Variants in EPB41L1 observed in about 807,000 individuals in gnomAD.
The protein encoded by EPB41L1 is band 4.1-like protein 1.
A neutral mutation model predicts 97.8 loss-of-function variants in EPB41L1; 29 were observed. That is an observed-to-expected ratio of 0.30 (90% confidence interval 0.22 to 0.40). The LOEUF is 0.40. Ranked by LOEUF, EPB41L1 falls within the 10% of genes least tolerant of loss-of-function variation. The pLI is 1.00. For missense variants in EPB41L1, 812 were observed against 1,162.3 expected (o/e 0.70, Z 4.38); for synonymous variants, 383 against 459.2 (o/e 0.83, Z 2.12).
At chr20:36,118,325 T>A (rs1234142950) in intron 2 of EPB41L1, among the ~76,000 whole-genome samples, 1 of 150,950 alleles carries the variant, frequency 6.6e-6, no homozygotes, top group Non-Finnish European at 1.5e-5. Flanking sequence ...GCCACTGCAC[T>A]CCAGCCTGGA....
intron 11 of EPB41L1, among the ~76,000 whole-genome samples, chr20:36,192,593 C>T (rs1161551148): frequency 6.8e-6 from 1 of 147,318 alleles, no homozygotes; most frequent in Non-Finnish European, 1.5e-5. Flanking sequence ...ACCGTGGATA[C>T]TCCCAGAACA....
At position 36,209,399 on chromosome 20, in the gene EPB41L1, G is replaced by T; in HGVS notation, c.1669-89G>T. 3 of 1,455,198 alleles carry T rather than the reference G, an allele frequency of 2.1e-6. No homozygotes were observed. The highest frequency in any genetic ancestry group is 2.8e-6 in the Non-Finnish European group (3 of 1,073,256). 90.1% of individuals were successfully genotyped at this position (1,455,198 alleles called of 1,614,324 possible). A position where few individuals can be genotyped will look rare whatever the true frequency, so the allele number is the denominator to read the frequency against. ...ATTCAGGATGTCGACACAGCCCCGA[G>T]ATTTCTCCTGACATTCACCATCTTG... On this transcript the variant is annotated intron_variant, in intron 14 of 21. Coordinates refer to ENST00000338074, the MANE Select transcript of EPB41L1 (RefSeq NM_012156.2). The surrounding 1 kb of genome is among the most constrained non-coding windows in gnomAD (Gnocchi z 4.2).
intron 2 of EPB41L1, among the ~76,000 whole-genome samples, chr20:36,142,204 C>T (rs763234214): frequency 2.6e-5 from 4 of 151,852 alleles, no homozygotes; most frequent in African/African-American, 9.7e-5. Context: ...GCTTTTTTAC[C>T]TGTATTGTGT....
At chr20:36,102,037 A>AAAACG in intron 1 of EPB41L1, among the ~76,000 whole-genome samples, 1 of 147,612 alleles carries the variant, frequency 6.8e-6, no homozygotes, top group Non-Finnish European at 1.5e-5. Flanking sequence ...AAAACAAAAC[A>AAAACG]AAAAAAACAA....
intron 21 of EPB41L1, among the ~76,000 whole-genome samples, chr20:36,224,502 A>C (rs1361046795): frequency 1.3e-5 from 2 of 151,936 alleles, no homozygotes; most frequent in African/African-American, 4.8e-5. Flanking sequence ...CAAAATTAGG[A>C]GTGGGGGTTG....
Position 36,188,382 on chromosome 20 carries a change from T to C in EPB41L1, c.909T>C (p.Cys303=). 6.2e-7 allele frequency: 1 copy of C among 1,613,930 alleles called. No individual in the cohort carries two copies. The highest frequency in any genetic ancestry group is 8.5e-7 in the Non-Finnish European group (1 of 1,180,014). ...SEGIDIMLGV[C]ANGLLIYRDR... ...GCATCGACATCATGTTAGGCGTTTG[T>C]GCCAATGGCCTGCTCATCTACCGGG... The change falls in exon 9 of 22, where the codon TGT becomes TGC. Residue 303 remains cysteine, a synonymous_variant. Coordinates refer to ENST00000338074, the MANE Select transcript of EPB41L1 (RefSeq NM_012156.2).
Position 36,093,664 on chromosome 20 carries a change from G to C in EPB41L1, c.-65+2052G>C, listed in dbSNP as rs1422233451. On this transcript the variant is annotated intron_variant, in intron 1 of 19. Transcript: ENST00000202028. This position sits in a 1 kb window ranked among gnomAD's most constrained non-coding sequence, Gnocchi z 5.4. ...CTGGAGAGGAGGGCGTGTCCTGCTT[G>C]AAGCCCGTGTGCGTGCGTGCGTGCG... Among the ~76,000 whole-genome samples the C allele has an allele frequency of 6.8e-6, 1 of 147,288 alleles. No homozygotes were observed. Among genetic ancestry groups the C allele is most frequent in the Non-Finnish European group, 1.5e-5 (1 of 66,630 alleles).
At chr20:36,124,044 C>G (rs537790662) in intron 2 of EPB41L1, among the ~76,000 whole-genome samples, 2 of 151,898 alleles carry the variant, frequency 1.3e-5, no homozygotes, top group Non-Finnish European at 2.9e-5. Context: ...GTCAGGAGAT[C>G]GAGACCATCC....
At chr20:36,198,974 A>G (rs1600897475) in intron 14 of EPB41L1, among the ~76,000 whole-genome samples, 2 of 152,186 alleles carry the variant, frequency 1.3e-5, no homozygotes, top group East Asian at 3.8e-4. Context: ...ACGTAGAGGG[A>G]CTAGCAGAGT....
At chr20:36,127,395 C>A (rs2059013930) in intron 2 of EPB41L1, among the ~76,000 whole-genome samples, 1 of 152,126 alleles carries the variant, frequency 6.6e-6, no homozygotes, top group Non-Finnish European at 1.5e-5. Flanking sequence ...ATGGAAGGGC[C>A]TCTCTTCTGC....
At chr20:36,125,490 T>C (rs1345577127) in intron 2 of EPB41L1, 1 of 1,392,574 alleles carries the variant, frequency 7.2e-7, no homozygotes. Flanking sequence ...GCAAAGGGCT[T>C]AGCAGAGAGC....
Position 36,195,200 on chromosome 20 carries a change from G to A in EPB41L1, c.1450-129G>A. 1 of 1,100,462 alleles carries A rather than the reference G, an allele frequency of 9.1e-7. No homozygotes were observed. Among genetic ancestry groups the A allele is most frequent in the Non-Finnish European group, 1.4e-6 (1 of 732,174 alleles). 68.2% of individuals were successfully genotyped at this position (1,100,462 alleles called of 1,614,324 possible). Reference sequence around the variant, plus strand: ...TGCCCTGCTGGTGGCCCACCCAGCTGCCCTGGCCTCCACTTGGTCGAGTGT... The same window carrying A: ...TGCCCTGCTGGTGGCCCACCCAGCTACCCTGGCCTCCACTTGGTCGAGTGT... On this transcript the variant is annotated intron_variant, in intron 12 of 21. Transcript: ENST00000338074. This position sits in a 1 kb window ranked among gnomAD's most constrained non-coding sequence, Gnocchi z 4.6.
intron 1 of EPB41L1, among the ~76,000 whole-genome samples, chr20:36,098,153 G>A (rs2746100): frequency 6.6e-6 from 1 of 151,950 alleles, no homozygotes; most frequent in Admixed American, 6.6e-5. Flanking sequence ...CTTCAGCCTG[G>A]TTTCACGACA....
At chr20:36,100,968 G>A (rs372002160) in intron 1 of EPB41L1, among the ~76,000 whole-genome samples, 2 of 152,176 alleles carry the variant, frequency 1.3e-5, no homozygotes, top group African/African-American at 4.8e-5. Context: ...CATCGGTATG[G>A]GGGGTGGTGA....
chr20:36,190,749 G>C lies in EPB41L1; in HGVS notation c.1252G>C (p.Glu418Gln), dbSNP rs1315904123. The C allele has an allele frequency of 5.0e-6, 8 of 1,614,180 alleles. No homozygotes were observed. The South Asian group carries it at 7.7e-5, about 16-fold the overall frequency. ...CATTGACCGGCCTGCACCCTTCTTTGAGCGTTCTTCCAGCAAACGGTACAC... is the reference window on the plus strand; with the variant it reads ...CATTGACCGGCCTGCACCCTTCTTTCAGCGTTCTTCCAGCAAACGGTACAC... ...ALIDRPAPFF[E>Q]RSSSKRYTMS... The change falls in exon 11 of 22, where the codon GAG becomes CAG. Residue 418 changes from glutamate (E) to glutamine (Q), a missense_variant. Around this residue, in one of 3 missense-constraint regions of EPB41L1, gnomAD observed 498 missense variants for 622.7 expected, o/e 0.80. Coordinates refer to ENST00000338074, the MANE Select transcript of EPB41L1 (RefSeq NM_012156.2). This position sits in a 1 kb window ranked among gnomAD's most constrained non-coding sequence, Gnocchi z 5.8.
At chr20:36,117,446 A>G (rs1174914246) in intron 2 of EPB41L1, among the ~76,000 whole-genome samples, 1 of 152,214 alleles carries the variant, frequency 6.6e-6, no homozygotes, top group Non-Finnish European at 1.5e-5. Flanking sequence ...TTCTGTCCTT[A>G]GGATCCTTCA....
At position 36,195,440 on chromosome 20, in the gene EPB41L1, C is replaced by T; in HGVS notation, c.1485+76C>T. 2 of 1,534,618 alleles carry T rather than the reference C, an allele frequency of 1.3e-6. No individual in the cohort carries two copies. Among genetic ancestry groups the T allele is most frequent in the Non-Finnish European group, 1.8e-6 (2 of 1,108,882 alleles). ...CATTTGTCACCATCCCACAGTCCAT[C>T]CCAGGCTCACTTCCCTGGCACCATC... On this transcript the variant is annotated intron_variant, in intron 13 of 21. Transcript: ENST00000338074. The surrounding 1 kb of genome is among the most constrained non-coding windows in gnomAD (Gnocchi z 4.6).
At chr20:36,168,600 G>A (rs1332037532) in intron 1 of EPB41L1, among the ~76,000 whole-genome samples, 4 of 151,340 alleles carry the variant, frequency 2.6e-5, no homozygotes, top group East Asian at 2.0e-4. Context: ...GCGCGATCTC[G>A]GCTCACTGCA....
intron 14 of EPB41L1, among the ~76,000 whole-genome samples, chr20:36,203,173 C>T (rs991884868): frequency 6.6e-6 from 1 of 152,228 alleles, no homozygotes; most frequent in African/African-American, 2.4e-5. Context: ...TGGCTCTACC[C>T]GTGCCTTCGC....
Sources: allele counts gnomAD v4.1 joint callset (sites outside exome capture counted in the v4.1 genomes callset), GRCh38; gene constraint gnomAD v4.1.1; regional missense constraint gnomAD v4.1.1; non-coding constraint Gnocchi (gnomAD v3.1); transcripts MANE v1.5; gene names NCBI Gene and HGNC (gene_info 2026-07-23, HGNC 2026-07-21).